The following NUP210 variants were observed in gnomAD, a reference collection of about 807,000 sequenced individuals.
NUP210 encodes nuclear pore membrane glycoprotein 210.
NUP210 carries 151 observed loss-of-function variants against 196.0 expected under a neutral mutation model. The observed-to-expected ratio is 0.77, with a 90% CI of 0.67 to 0.88. NUP210 has a LOEUF of 0.88. Among genes scored for constraint, NUP210 ranks in the 40% least tolerant of loss-of-function variants. NUP210 has a pLI of 0.00. For missense variants in NUP210, 2,314 were observed against 2,493.7 expected, an observed-to-expected ratio of 0.93 and a Z score of 1.53; for synonymous variants, 1,070 against 1,052.7, an observed-to-expected ratio of 1.02 and a Z score of -0.32.
At chr3:13,370,396 G>C (rs1698690361) in intron 13 of NUP210, among the ~76,000 whole-genome samples, 1 of 152,164 alleles carries the variant, frequency 6.6e-6, no homozygotes, top group Non-Finnish European at 1.5e-5. Flanking sequence ...TACAGTTAAA[G>C]AACCCAAGGC....
At chr3:13,364,764 G>A (rs947085599) in intron 14 of NUP210, among the ~76,000 whole-genome samples, 1 of 152,186 alleles carries the variant, frequency 6.6e-6, no homozygotes, top group African/African-American at 2.4e-5. Flanking sequence ...GAAGGCAATG[G>A]TTGCGGTGAG....
At chr3:13,402,921 A>C (rs1451849566) in intron 1 of NUP210, among the ~76,000 whole-genome samples, 1 of 151,808 alleles carries the variant, frequency 6.6e-6, no homozygotes, top group Non-Finnish European at 1.5e-5. Flanking sequence ...GAACACTCGC[A>C]GCTGACATGA....
At chr3:13,378,778 T>C in intron 8 of NUP210, 134 bp downstream of exon 8, 1 of 705,048 alleles carries the variant, frequency 1.4e-6, no homozygotes, top group Admixed American at 2.1e-5. Context: ...CCCTGGGCAA[T>C]GATGGTCATA....
At chr3:13,373,894 C>A (rs1393552355) in intron 11 of NUP210, 21 bp from the exon 12 acceptor site, 1 of 1,610,542 alleles carries the variant, frequency 6.2e-7, no homozygotes, top group African/African-American at 1.3e-5. Context: ...AAAGCCATCA[C>A]AGGACCAGCC....
rs1171115643 is a variant in NUP210, at chr3:13,327,428, A to G, written c.4296T>C (p.Phe1432=). ...VLNFATNRDD[F]VQIGKGPTNN... is the part of the protein sequence containing the mutation. ...TGGTGGGGCCCTTCCCGATCTGCAC[A>G]AAGTCGTCTCTAGGCACAGGAGAGA... The change falls in exon 32 of 40, where the codon TTT becomes TTC. Residue 1432 remains phenylalanine (F), a synonymous_variant. Transcript: ENST00000254508. 1.2e-6 allele frequency: 2 copies of G among 1,609,498 alleles called. No individual in the cohort carries two copies. The highest frequency in any genetic ancestry group is 1.1e-5 in the South Asian group (1 of 90,766).
At chr3:13,346,374 C>T (rs1291888030) in intron 20 of NUP210, among the ~76,000 whole-genome samples, 3 of 152,220 alleles carry the variant, frequency 2.0e-5, no homozygotes, top group Non-Finnish European at 4.4e-5. Context: ...TCTGGACACA[C>T]CTGCTTCCTG....
intron 17 of NUP210, 96 bp downstream of exon 17, chr3:13,353,819 G>A: frequency 7.7e-7 from 1 of 1,300,906 alleles, no homozygotes; most frequent in Non-Finnish European, 1.1e-6. Flanking sequence ...TCTAAGCACA[G>A]ATAACTAAGC....
At chr3:13,327,583 G>T in intron 31 of NUP210, 146 bp from the exon 32 acceptor site, 1 of 642,308 alleles carries the variant, frequency 1.6e-6, no homozygotes, top group Non-Finnish European at 2.7e-6. Context: ...AGGTTACCAA[G>T]CAGTGGCCCC....
intron 27 of NUP210, 111 bp downstream of exon 27, chr3:13,336,676 G>T: frequency 8.1e-7 from 1 of 1,234,646 alleles, no homozygotes; most frequent in Middle Eastern, 2.2e-4. Context: ...CTCTCTAGGT[G>T]TGAGGGTGGG....
In NUP210 at chr3:13,420,041, G is replaced by A; in HGVS notation, c.167+19C>T. 2 of 1,235,546 alleles carry A rather than the reference G, an allele frequency of 1.6e-6. No individual in the cohort carries two copies. Among genetic ancestry groups the A allele is most frequent in the Non-Finnish European group, 1.0e-6 (1 of 974,586 alleles). 76.5% of individuals were successfully genotyped at this position (1,235,546 alleles called of 1,614,324 possible). ...CAGCCCGGCCCACGGCGCCCGCCCG[G>A]CCCGGCCGCGCGCCTCACCAGCGGT... On this transcript the variant is annotated intron_variant, in intron 1 of 39. Transcript: ENST00000254508. The surrounding 1 kb of genome is among the most constrained non-coding windows in gnomAD (Gnocchi z 4.8).
intron 13 of NUP210, among the ~76,000 whole-genome samples, chr3:13,371,624 G>A (rs1383836457): frequency 6.6e-6 from 1 of 152,214 alleles, no homozygotes; most frequent in Non-Finnish European, 1.5e-5. Flanking sequence ...GAGGCTGAGC[G>A]AGGCCACTGA....
chr3:13,371,779 A>C (rs1244922424), intron 13 of NUP210, 55 bp downstream of exon 13: 16 of 1,510,598 alleles, frequency 1.1e-5, no homozygotes, highest in Non-Finnish European at 1.4e-5. Flanking sequence ...CTGAGAACCC[A>C]GACAATCTGG....
intron 1 of NUP210, among the ~76,000 whole-genome samples, chr3:13,411,813 TC>T (rs1700182526): frequency 6.6e-6 from 1 of 152,234 alleles, no homozygotes; most frequent in Non-Finnish European, 1.5e-5. Flanking sequence ...CAATCTCAGC[TC>T]ACTGCCACCT....
intron 1 of NUP210, among the ~76,000 whole-genome samples, chr3:13,412,231 C>CTTTTTTTT (rs71066953): frequency 2.9e-5 from 3 of 104,738 alleles, no homozygotes; most frequent in South Asian, 2.8e-4. Flanking sequence ...TTTTCCTTTT[C>CTTTTTTTT]TTTTTTTTTT....
In NUP210 at chr3:13,317,414, A is replaced by T; in HGVS notation, c.*267T>A. 1 of 494,242 alleles carries T rather than the reference A, an allele frequency of 2.0e-6. No individual in the cohort carries two copies. Among genetic ancestry groups the T allele is most frequent in the South Asian group, 2.2e-5 (1 of 46,122 alleles). 30.6% of individuals were successfully genotyped at this position (494,242 alleles called of 1,614,324 possible). On this transcript the variant is annotated 3_prime_UTR_variant, in exon 40 of 40. Coordinates refer to ENST00000254508, the MANE Select transcript of NUP210 (RefSeq NM_024923.4). ...ACAGCACATTGTCCAGAAACCCTAG[A>T]CAACCATGCAAAAAGGAATGAGCCA... is the stretch of plus-strand genomic sequence containing the variant.
chr3:13,389,651 T>TCGGC (rs1699417098), intron 4 of NUP210, among the ~76,000 whole-genome samples: 1 of 152,146 alleles, frequency 6.6e-6, no homozygotes, highest in African/African-American at 2.4e-5. Flanking sequence ...CATGAGGACG[T>TCGGC]CGGCCTGGAG....
At chr3:13,416,698 C>T (rs1205475156) in intron 1 of NUP210, among the ~76,000 whole-genome samples, 1 of 152,214 alleles carries the variant, frequency 6.6e-6, no homozygotes, top group African/African-American at 2.4e-5. Flanking sequence ...GAGGAGGCAA[C>T]TTCAACCCAG....
Position 13,386,031 on chromosome 3 carries a change from T to C in NUP210, c.817+244A>G, listed in dbSNP as rs568813436. Among the ~76,000 whole-genome samples the C allele has an allele frequency of 3.9e-5, 6 of 152,264 alleles. No individual in the cohort carries two copies. In the East Asian group the frequency reaches 9.6e-4, roughly 24 times the overall value. On this transcript the variant is annotated intron_variant, in intron 6 of 39. Transcript: ENST00000254508. ...CAGAGACAGGAAATAGAGTGATGAG[T>C]GCCAAGGGCTGGGAGAGGGTGAAGG...
chr3:13,377,980 C>T (rs1698977284), intron 8 of NUP210, among the ~76,000 whole-genome samples: 1 of 152,222 alleles, frequency 6.6e-6, no homozygotes, highest in Non-Finnish European at 1.5e-5. Context: ...GCCCTGGCCT[C>T]CTCCTTCTGC....
Sources: gnomAD v4.1 joint callset for allele counts (sites outside exome capture counted in the v4.1 genomes callset) on GRCh38, gnomAD v4.1.1 for gene constraint, Gnocchi (gnomAD v3.1) non-coding constraint, MANE v1.5 for transcripts, NCBI Gene and HGNC (gene_info 2026-07-23, HGNC 2026-07-21) for gene names.